Variants in RYR3 observed in about 807,000 individuals in gnomAD.
RYR3 encodes ryanodine receptor 3.
In RYR3, 207 loss-of-function variants were observed where a neutral mutation model predicts 584.3. The ratio of observed to expected loss-of-function variants is 0.35; its 90% CI spans 0.32 to 0.40. The LOEUF is 0.40. RYR3 is among the 10% of genes least tolerant of loss of function. The pLI, the probability that RYR3 is intolerant of heterozygous loss-of-function variation, is 1.00. For synonymous variants in RYR3, 2,416 were observed against 2,248.5 expected, an observed-to-expected ratio of 1.07 and a Z score of -2.11; for missense variants, 5,616 against 6,089.2, an observed-to-expected ratio of 0.92 and a Z score of 2.59.
chr15:33,631,107 A>G, intron 22 of RYR3, 103 bp from the exon 23 acceptor site: 1 of 705,350 alleles, frequency 1.4e-6, no homozygotes, highest in Non-Finnish European at 2.4e-6. Flanking sequence ...CCCCTGGGCT[A>G]AATGAATGGC....
At chr15:33,789,638 A>ATATATATATATATATATATG (rs2074985370) in intron 67 of RYR3, among the ~76,000 whole-genome samples, 1 of 18,848 alleles carries the variant, frequency 5.3e-5, no homozygotes, top group Non-Finnish European at 9.6e-5. Context: ...ATATATATAT[A>ATATATATATATATATATATG]TATATATATA....
At chr15:33,860,702 C>T (rs1216380922) in intron 101 of RYR3, 43 bp downstream of exon 101, 1 of 1,343,384 alleles carries the variant, frequency 7.4e-7, no homozygotes, top group Non-Finnish European at 1.0e-6. Context: ...ATTTTAATAT[C>T]CCCAGAAGCA....
At position 33,591,181 on chromosome 15, in the gene RYR3, A is replaced by G. The variant is rs570678514; in HGVS notation, c.1788+5065A>G. Among the ~76,000 whole-genome samples the G allele has an allele frequency of 3.9e-5, 6 of 152,296 alleles. No homozygotes were observed. The East Asian group carries it at 7.7e-4, about 20-fold the overall frequency. On this transcript the variant is annotated intron_variant, in intron 16 of 103. Coordinates refer to ENST00000634891, the MANE Select transcript of RYR3 (RefSeq NM_001036.6). ...TCTTCTCTGGTCAATTAAAAAATCA[A>G]TGAAAAATTCTTGTCTGCTCTTTAA...
At chr15:33,820,466 A>T (rs1405432897) in intron 77 of RYR3, among the ~76,000 whole-genome samples, 1 of 152,172 alleles carries the variant, frequency 6.6e-6, no homozygotes, top group South Asian at 2.1e-4. Flanking sequence ...CCAGAACCTT[A>T]CTAAGGTAGA....
intron 43 of RYR3, among the ~76,000 whole-genome samples, chr15:33,710,986 A>T (rs1306249285): frequency 6.6e-6 from 1 of 152,164 alleles, no homozygotes; most frequent in African/African-American, 2.4e-5. Flanking sequence ...CCTTTTCCTC[A>T]TTATCTTGGA....
chr15:33,766,838 T>C (rs765468072), intron 60 of RYR3, among the ~76,000 whole-genome samples: 15 of 152,236 alleles, frequency 9.9e-5, no homozygotes, highest in Admixed American at 2.0e-4. Context: ...TTTCATTTAT[T>C]GTCTTCAAAC....
intron 74 of RYR3, among the ~76,000 whole-genome samples, 175 bp from the exon 75 acceptor site, chr15:33,816,687 T>A (rs1197234252): frequency 4.6e-5 from 7 of 152,324 alleles, no homozygotes; most frequent in African/African-American, 1.7e-4. Context: ...CTCGTCATGG[T>A]AGAGGGTTCT....
intron 1 of RYR3, among the ~76,000 whole-genome samples, chr15:33,354,198 G>A (rs1487283900): frequency 6.6e-6 from 1 of 152,162 alleles, no homozygotes; most frequent in East Asian, 1.9e-4. Context: ...TCCTTTGAGA[G>A]GCAGTCAACC....
In RYR3 at chr15:33,838,532, C is replaced by T. The variant is rs1476894939; in HGVS notation, c.12552C>T (p.Leu4184=). The T allele has an allele frequency of 8.1e-6, 13 of 1,613,950 alleles. No homozygotes were observed. In the East Asian group the frequency reaches 2.5e-4, roughly 30 times the overall value. ...CTGCGAAGGAGCTGGTGAAGGTGCT[C>T]TTCTCCTTTTTCTGGATGCTGTTCG... ...KMTAKELVKV[L]FSFFWMLFVG... Residue 4184 remains leucine, a synonymous_variant, in exon 89 of 104, where the codon CTC becomes CTT. Coordinates refer to ENST00000634891, the MANE Select transcript of RYR3 (RefSeq NM_001036.6).
At chr15:33,480,060 G>C (rs906544315) in intron 2 of RYR3, among the ~76,000 whole-genome samples, 1 of 152,142 alleles carries the variant, frequency 6.6e-6, no homozygotes, top group Non-Finnish European at 1.5e-5. Context: ...ACCCAGACAT[G>C]GTAAGACTGG....
intron 1 of RYR3, among the ~76,000 whole-genome samples, chr15:33,315,626 A>G (rs1173729051): frequency 1.3e-5 from 2 of 152,180 alleles, no homozygotes; most frequent in African/African-American, 4.8e-5. Context: ...CTCAGAGCTG[A>G]TCTGATTAAA....
chr15:33,501,678 C>T (rs759322254), intron 2 of RYR3, among the ~76,000 whole-genome samples: 53 of 152,106 alleles, frequency 3.5e-4, no homozygotes, highest in Admixed American at 3.9e-4. Flanking sequence ...CCTGAGATGG[C>T]ATCATATTTT....
intron 38 of RYR3, among the ~76,000 whole-genome samples, chr15:33,672,985 G>A (rs2152727329): frequency 6.6e-6 from 1 of 152,296 alleles, no homozygotes; most frequent in South Asian, 2.1e-4. Flanking sequence ...GGTACGTAAA[G>A]TGAGTAAAGC....
intron 3 of RYR3, 26 bp from the exon 4 acceptor site, chr15:33,530,566 G>T: frequency 1.9e-6 from 3 of 1,568,534 alleles, no homozygotes; most frequent in South Asian, 1.1e-5. Context: ...GGCATGTGCT[G>T]ACCTTATTCT....
chr15:33,480,640 CAATG>C (rs2049874477), intron 2 of RYR3, among the ~76,000 whole-genome samples: 1 of 152,168 alleles, frequency 6.6e-6, no homozygotes, highest in South Asian at 2.1e-4. Flanking sequence ...ATGTTTTAAA[CAATG>C]AATCAGTGGG....
chr15:33,770,465 G>C (rs1251684388), intron 62 of RYR3, among the ~76,000 whole-genome samples: 1 of 152,170 alleles, frequency 6.6e-6, no homozygotes, highest in African/African-American at 2.4e-5. Flanking sequence ...TAGAAAGTTA[G>C]GAAGGGCCAG....
chr15:33,848,441 A>C lies in RYR3; in HGVS notation c.13628+20A>C, dbSNP rs761065164. 2 of 1,598,518 alleles carry C rather than the reference A, an allele frequency of 1.3e-6. No homozygotes were observed. Among genetic ancestry groups the C allele is most frequent in the Non-Finnish European group, 1.7e-6 (2 of 1,175,088 alleles). ...CACACCGTGAGTGTCCCTCTACCCC[A>C]ACCTAAAAAGGAGATGGAGTCTCTA... On this transcript the variant is annotated intron_variant, in intron 94 of 103. Coordinates refer to ENST00000634891, the MANE Select transcript of RYR3 (RefSeq NM_001036.6).
chr15:33,371,176 A>G (rs1490896326), intron 1 of RYR3, among the ~76,000 whole-genome samples: 3 of 152,208 alleles, frequency 2.0e-5, no homozygotes, highest in African/African-American at 7.2e-5. Context: ...TATGAATGAG[A>G]GAACAGGTAA....
intron 48 of RYR3, among the ~76,000 whole-genome samples, chr15:33,733,277 T>C (rs184400757): frequency 1.5e-3 from 235 of 152,338 alleles, no homozygotes; most frequent in Non-Finnish European, 2.5e-3. Context: ...GAAACTTATG[T>C]CCATACAAAA....
Sources: gnomAD v4.1 joint callset for allele counts (sites outside exome capture counted in the v4.1 genomes callset) on GRCh38, gnomAD v4.1.1 for gene constraint, MANE v1.5 for transcripts, NCBI Gene and HGNC (gene_info 2026-07-23, HGNC 2026-07-21) for gene names.